OAS1: variants seen among roughly 807,000 people sequenced by gnomAD.
OAS1 encodes the protein 2'-5'-oligoadenylate synthase 1.
Under a neutral mutation model 38.5 loss-of-function variants are expected in OAS1, and 24 were observed. That is an observed-to-expected ratio of 0.62 (90% CI 0.45 to 0.88). The LOEUF (loss-of-function observed/expected upper bound fraction) is 0.88, where lower values mean the gene tolerates loss of function less well. OAS1 is among the 40% of genes least tolerant of loss of function. OAS1 has a pLI of 0.00. For synonymous variants in OAS1, 169 were observed against 193.9 expected (o/e 0.87, Z 1.07); for missense variants, 482 against 493.9 (o/e 0.98, Z 0.23).
At position 112,907,090 on chromosome 12, in the gene OAS1, A is replaced by T; in HGVS notation, c.51A>T (p.Glu17Asp). 2.5e-6 allele frequency: 4 copies of T among 1,614,238 alleles called. No individual in the cohort carries two copies. Among genetic ancestry groups the T allele is most frequent in the Non-Finnish European group, 3.4e-6 (4 of 1,180,050 alleles). Reference sequence around the variant, plus strand: ...CCAAATCTCTGGACAAGTTCATTGAAGACTATCTCTTGCCAGACACGTGTT... The same window carrying T: ...CCAAATCTCTGGACAAGTTCATTGATGACTATCTCTTGCCAGACACGTGTT... ...TPAKSLDKFI[E>D]DYLLPDTCFR... is the part of the protein sequence containing the mutation. Residue 17 changes from glutamate (E) to aspartate (D), a missense_variant, in exon 1 of 6, where the codon GAA (glutamate) becomes GAT (aspartate). Physicochemically the swap from Glu to Asp is conservative, Grantham distance 45. Coordinates refer to ENST00000202917, the MANE Select transcript of OAS1 (RefSeq NM_016816.4).
At chr12:112,914,754 T>C (rs2043432857) in intron 3 of OAS1, among the ~76,000 whole-genome samples, 1 of 149,464 alleles carries the variant, frequency 6.7e-6, no homozygotes, top group Non-Finnish European at 1.5e-5. Context: ...TTTTTCATTA[T>C]TATACTTTAA....
intron 2 of OAS1, among the ~76,000 whole-genome samples, chr12:112,909,454 T>C (rs1042836683): frequency 6.6e-6 from 1 of 151,184 alleles, no homozygotes; most frequent in Admixed American, 6.6e-5. Flanking sequence ...AGCCCAGGAG[T>C]TCAAGACCAG....
At chr12:112,920,565 A>G (rs955295278), downstream of OAS1, among the ~76,000 whole-genome samples, 1 of 152,214 alleles carries the variant, frequency 6.6e-6, no homozygotes, top group African/African-American at 2.4e-5. Flanking sequence ...ATGTATTTCT[A>G]TTGGACAGCT....
intron 5 of OAS1, chr12:112,918,145 C>A: frequency 4.6e-6 from 1 of 219,268 alleles, no homozygotes; most frequent in Non-Finnish European, 9.0e-6. Context: ...TCCTGTCGCC[C>A]AAATAGTGAA....
intron 4 of OAS1, 40 bp from the exon 5 acceptor site, chr12:112,917,507 C>T: frequency 2.5e-6 from 4 of 1,612,118 alleles, no homozygotes; most frequent in Non-Finnish European, 3.4e-6. Context: ...AGACAGAGCC[C>T]CAGCTTCTCA....
chr12:112,923,382 A>G (rs1365836706), downstream of OAS1, among the ~76,000 whole-genome samples: 1 of 152,184 alleles, frequency 6.6e-6, no homozygotes, highest in East Asian at 1.9e-4. Context: ...TCTTTTGTTC[A>G]TTCTTTAAAA....
Position 112,919,519 on chromosome 12 carries a change from A to G in OAS1, c.1169A>G (p.Gln390Arg), listed in dbSNP as rs2043511909. 6.2e-7 allele frequency: 1 copy of G among 1,614,210 alleles called. No homozygotes were observed. The change falls in exon 6 of 6, where the codon CAG becomes CGG. Residue 390 changes from glutamine (Q) to arginine (R), a missense_variant. Coordinates refer to ENST00000202917, the MANE Select transcript of OAS1 (RefSeq NM_016816.4). Reference protein sequence around the residue: ...PSTLQAASTPQAEEDWTCTIL With the variant: ...PSTLQAASTPRAEEDWTCTIL ...ACACTCCAGGCAGCATCCACCCCAC[A>G]GGCAGAAGAGGACTGGACCTGCACC... is the stretch of plus-strand genomic sequence containing the variant.
At chr12:112,926,409 C>G (rs1468593152) in intron 6 of OAS1, among the ~76,000 whole-genome samples, 3 of 152,148 alleles carry the variant, frequency 2.0e-5, no homozygotes, top group Non-Finnish European at 4.4e-5. Flanking sequence ...TTTCTATTTT[C>G]CCCAAGTGTC....
chr12:112,923,123 G>A (rs749534084), downstream of OAS1, among the ~76,000 whole-genome samples: 22 of 152,274 alleles, frequency 1.4e-4, no homozygotes, highest in Non-Finnish European at 2.2e-4. Context: ...TTTCTTTAAC[G>A]AATTTATCCA....
chr12:112,919,531 A>G lies in OAS1; in HGVS notation c.1181A>G (p.Asp394Gly). 1 of 1,614,198 alleles carries G rather than the reference A, an allele frequency of 6.2e-7. No homozygotes were observed. Among genetic ancestry groups the G allele is most frequent in the Non-Finnish European group, 8.5e-7 (1 of 1,180,036 alleles). Residue 394 changes from aspartate to glycine, a missense_variant, in exon 6 of 6, where the codon GAC (aspartate) becomes GGC (glycine). By Grantham distance (94) the Asp-to-Gly change is moderately conservative. Coordinates refer to ENST00000202917, the MANE Select transcript of OAS1 (RefSeq NM_016816.4). The part of the protein sequence containing the change: ...QAASTPQAEE[D>G]WTCTIL ...GCATCCACCCCACAGGCAGAAGAGG[A>G]CTGGACCTGCACCATCCTCTGAATG...
At chr12:112,909,420 A>G (rs935521945) in intron 2 of OAS1, among the ~76,000 whole-genome samples, 2 of 152,184 alleles carry the variant, frequency 1.3e-5, no homozygotes, top group African/African-American at 4.8e-5. Flanking sequence ...ACACTTTTGG[A>G]GGCTGAGGCA....
chr12:112,917,434 T>A lies in OAS1; in HGVS notation c.885-113T>A, dbSNP rs1593161638. The A allele has an allele frequency of 7.0e-6, 10 of 1,419,110 alleles. No individual in the cohort carries two copies. The East Asian group carries it at 2.3e-4, about 33-fold the overall frequency. 87.9% of individuals were successfully genotyped at this position (1,419,110 alleles called of 1,614,324 possible). A position where few individuals can be genotyped will look rare whatever the true frequency, so the allele number is the denominator to read the frequency against. On this transcript the variant is annotated intron_variant, in intron 4 of 5. Transcript: ENST00000202917. ...ACATACCCCAGGGAGCCCTTCCTCA[T>A]GTTCTGAGTCCCAGTTCATCCCATG...
At chr12:112,914,543 G>A (rs774921365) in intron 3 of OAS1, among the ~76,000 whole-genome samples, 3 of 152,134 alleles carry the variant, frequency 2.0e-5, no homozygotes, top group Non-Finnish European at 2.9e-5. Flanking sequence ...GGTTGTATGA[G>A]TTTACATTCC....
chr12:112,911,672 G>A lies in OAS1; in HGVS notation c.654+437G>A, dbSNP rs1241293043. Among the ~76,000 whole-genome samples the A allele has an allele frequency of 2.0e-5, 3 of 152,162 alleles. No individual in the cohort carries two copies. The East Asian group carries it at 5.8e-4, about 29-fold the overall frequency. Reference sequence around the variant, plus strand: ...GCCCTTTCCTCCCACTTACTGGCTGGCTGGCCTTAAGTAAGCAACTTAACC... The same window carrying A: ...GCCCTTTCCTCCCACTTACTGGCTGACTGGCCTTAAGTAAGCAACTTAACC... On this transcript the variant is annotated intron_variant, in intron 3 of 5. Coordinates refer to ENST00000202917, the MANE Select transcript of OAS1 (RefSeq NM_016816.4).
At position 112,919,424 on chromosome 12, in the gene OAS1, T is replaced by C; in HGVS notation, c.1074T>C (p.Asp358=). Residue 358 remains aspartate (D), a synonymous_variant, in exon 6 of 6, where the codon GAT becomes GAC. Transcript: ENST00000202917. ...ESNSADDETD[D]PRRYQKYGYI... is the part of the protein sequence containing the mutation. ...ACAGTGCAGACGATGAGACCGACGA[T>C]CCCAGGAGGTATCAGAAATATGGTT... The C allele has an allele frequency of 6.2e-7, 1 of 1,614,050 alleles. No homozygotes were observed. The highest frequency in any genetic ancestry group is 8.5e-7 in the Non-Finnish European group (1 of 1,179,954).
chr12:112,921,244 CT>C (rs1344128552), downstream of OAS1, among the ~76,000 whole-genome samples: 2 of 152,224 alleles, frequency 1.3e-5, no homozygotes, highest in East Asian at 3.8e-4. Flanking sequence ...CACCAGCTAT[CT>C]TGGCACCCTT....
intron 6 of OAS1, among the ~76,000 whole-genome samples, chr12:112,931,562 G>C (rs1026643932): frequency 1.6e-4 from 25 of 152,232 alleles, no homozygotes; most frequent in African/African-American, 5.5e-4. Context: ...TTTTAATGAT[G>C]AGGAAACAGG....
chr12:112,919,073 G>C (rs531993679), intron 5 of OAS1: 1 of 326,514 alleles, frequency 3.1e-6, no homozygotes, highest in East Asian at 6.7e-5. Context: ...CCTGGAGCTG[G>C]AATGGCCTTT....
downstream of OAS1, among the ~76,000 whole-genome samples, chr12:112,920,702 C>T (rs948854978): frequency 2.0e-5 from 3 of 152,196 alleles, no homozygotes; most frequent in African/African-American, 4.8e-5. Context: ...ATAAAACTCT[C>T]ATAAATACTC....
Sources: gnomAD v4.1 joint callset for allele counts (sites outside exome capture counted in the v4.1 genomes callset) on GRCh38, gnomAD v4.1.1 for gene constraint, MANE v1.5 for transcripts, NCBI Gene and HGNC (gene_info 2026-07-23, HGNC 2026-07-21) for gene names.